Variants in BIRC6 observed in about 807,000 individuals in gnomAD.
The protein encoded by BIRC6 is dual E2 ubiquitin-conjugating enzyme/E3 ubiquitin-protein ligase BIRC6.
BIRC6 carries 98 observed loss-of-function variants against 503.3 expected under a neutral mutation model. That is an observed-to-expected ratio of 0.19 (90% CI 0.17 to 0.23). The LOEUF is 0.23. Among genes scored for constraint, BIRC6 ranks in the 10% least tolerant of loss-of-function variants. The pLI is 1.00. For missense variants in BIRC6, 5,360 were observed against 5,806.0 expected, an observed-to-expected ratio of 0.92 and a Z score of 2.50; for synonymous variants, 2,240 against 2,078.7, an observed-to-expected ratio of 1.08 and a Z score of -2.11.
chr2:32,586,423 CTTTTTTTTTTTTTTT>C (rs972959083), intron 66 of BIRC6, among the ~76,000 whole-genome samples: 1 of 70,974 alleles, frequency 1.4e-5, no homozygotes, highest in South Asian at 4.5e-4. Flanking sequence ...TCAAGCAGTC[CTTTTTTTTTTTTTTT>C]TTTTTTTTTT....
intron 21 of BIRC6, among the ~76,000 whole-genome samples, 171 bp from the exon 22 acceptor site, chr2:32,448,624 A>G (rs2046348379): frequency 6.6e-6 from 1 of 150,482 alleles, no homozygotes. Context: ...TCGGCTCGGC[A>G]TCAGAGGGAG....
intron 22 of BIRC6, among the ~76,000 whole-genome samples, chr2:32,450,289 T>C (rs1198676134): frequency 6.6e-6 from 1 of 152,116 alleles, no homozygotes; most frequent in Non-Finnish European, 1.5e-5. Flanking sequence ...CCATCCTGGC[T>C]AACACGGTGA....
chr2:32,513,154 A>G lies in BIRC6; in HGVS notation c.10568A>G (p.Glu3523Gly). 6.2e-7 allele frequency: 1 copy of G among 1,610,230 alleles called. No individual in the cohort carries two copies. Among genetic ancestry groups the G allele is most frequent in the Non-Finnish European group, 8.5e-7 (1 of 1,177,164 alleles). ...LPALLDQELF[E>G]LLFNWSMSLP... ...GCACTCCTGGACCAAGAGCTCTTTG[A>G]GTAAGTATGATTTGTGAAATCTTTT... is the stretch of plus-strand genomic sequence containing the variant. Residue 3523 changes from glutamate (E) to glycine (G), a missense_variant and splice_region_variant, in exon 54 of 74, where the codon GAG (glutamate) becomes GGG (glycine). Physicochemically the swap from Glu to Gly is moderately conservative, Grantham distance 98. Transcript: ENST00000421745.
At chr2:32,617,611 A>G (rs1472755722) in intron 73 of BIRC6, 114 bp from the exon 74 acceptor site, 14 of 1,102,750 alleles carry the variant, frequency 1.3e-5, no homozygotes, top group South Asian at 3.6e-5. Context: ...GGAGGGGCTC[A>G]GTAAATATTT....
At chr2:32,467,390 A>G (rs1446223601) in intron 26 of BIRC6, 135 bp from the exon 27 acceptor site, 1 of 730,922 alleles carries the variant, frequency 1.4e-6, no homozygotes, top group South Asian at 2.0e-5. Flanking sequence ...CCATTTTTAC[A>G]TATTTACTTT....
At chr2:32,504,036 G>T (rs1279155128) in intron 49 of BIRC6, among the ~76,000 whole-genome samples, 3 of 105,430 alleles carry the variant, frequency 2.8e-5, no homozygotes, top group South Asian at 3.2e-4. Flanking sequence ...GGGGGTGTTT[G>T]TGTGTGTGTG....
In BIRC6 at chr2:32,499,935, A is replaced by G. The variant is rs1341324022; in HGVS notation, c.8857A>G (p.Ser2953Gly). ...GTCTGTGACCACAAATACAACAGAT[A>G]GTGTTTCAGATGAAGAAAAAGTCTC... ...RVSVTTNTTDSVSDEEKVSGG... is the reference protein window; with the variant it reads ...RVSVTTNTTDGVSDEEKVSGG... The change falls in exon 46 of 74, where the codon AGT (serine) becomes GGT (glycine). Residue 2953 changes from serine to glycine, a missense_variant. By Grantham distance (56) the Ser-to-Gly change is moderately conservative (BLOSUM62 0). This residue lies in a region of BIRC6 where 2,299 missense variants were observed against 2,267.2 expected (regional missense o/e 1.01). Coordinates refer to ENST00000421745, the MANE Select transcript of BIRC6 (RefSeq NM_016252.4). The G allele has an allele frequency of 3.1e-6, 5 of 1,614,024 alleles. No individual in the cohort carries two copies. The highest frequency in any genetic ancestry group is 2.2e-5 in the East Asian group (1 of 44,880).
intron 69 of BIRC6, 48 bp from the exon 70 acceptor site, chr2:32,599,691 G>C: frequency 6.5e-7 from 1 of 1,540,956 alleles, no homozygotes; most frequent in Non-Finnish European, 8.9e-7. Context: ...CTAAATATCA[G>C]TGTTTAGGAA....
chr2:32,467,956 A>C lies in BIRC6; in HGVS notation c.5625A>C (p.Leu1875Phe), dbSNP rs2048734833. The C allele has an allele frequency of 6.2e-7, 1 of 1,613,674 alleles. No homozygotes were observed. Among genetic ancestry groups the C allele is most frequent in the Non-Finnish European group, 8.5e-7 (1 of 1,179,790 alleles). Reference sequence around the variant, plus strand: ...CAAATGCCAGAGCCAAAATCCCATTAGGATTTTACTATGGTCATACCTACA... The same window carrying C: ...CAAATGCCAGAGCCAAAATCCCATTCGGATTTTACTATGGTCATACCTACA... ...GSTNARAKIP[L>F]GFYYGHTYIL... Residue 1875 changes from leucine to phenylalanine, a missense_variant, in exon 28 of 74, where the codon TTA becomes TTC. By Grantham distance (22) the Leu-to-Phe change is conservative. This residue lies in a region of BIRC6 where 2,299 missense variants were observed against 2,267.2 expected (regional missense o/e 1.01). Coordinates refer to ENST00000421745, the MANE Select transcript of BIRC6 (RefSeq NM_016252.4).
At chr2:32,391,391 G>T (rs1017129009) in intron 4 of BIRC6, among the ~76,000 whole-genome samples, 1 of 152,108 alleles carries the variant, frequency 6.6e-6, no homozygotes, top group Non-Finnish European at 1.5e-5. Flanking sequence ...GTAATATAAC[G>T]AAATGAGATA....
intron 50 of BIRC6, among the ~76,000 whole-genome samples, chr2:32,505,766 A>C (rs1323764674): frequency 1.3e-5 from 2 of 152,214 alleles, no homozygotes. Flanking sequence ...GAACTTTGTA[A>C]GGCAAATAAT....
intron 1 of BIRC6, among the ~76,000 whole-genome samples, chr2:32,374,222 T>C (rs1441276237): frequency 6.6e-6 from 1 of 152,158 alleles, no homozygotes; most frequent in Non-Finnish European, 1.5e-5. Flanking sequence ...TTGAAAAAAA[T>C]CCAATGGCCA....
Position 32,357,563 on chromosome 2 carries a change from C to T in BIRC6, c.325+77C>T, listed in dbSNP as rs2033279192. On this transcript the variant is annotated intron_variant, in intron 1 of 73. Coordinates refer to ENST00000421745, the MANE Select transcript of BIRC6 (RefSeq NM_016252.4). This position sits in a 1 kb window ranked among gnomAD's most constrained non-coding sequence, Gnocchi z 4.9. ...AGCCCCGGGGCTCGGCCTCGCGACT[C>T]GGGGAAGCGAGATGGCGAGAGGGCA... 1 of 1,500,004 alleles carries T rather than the reference C, an allele frequency of 6.7e-7. No homozygotes were observed. Among genetic ancestry groups the T allele is most frequent in the Non-Finnish European group, 8.9e-7 (1 of 1,129,736 alleles). The allele number at this position is 1,500,004 out of a possible 1,614,324, so 92.9% of individuals were successfully genotyped here. A position where few individuals can be genotyped will look rare whatever the true frequency, so the allele number is the denominator to read the frequency against.
rs556302327 is a variant in BIRC6, at chr2:32,504,387, G to T, written c.9500-618G>T. Among the ~76,000 whole-genome samples, 10 of 152,026 alleles carry T rather than the reference G, an allele frequency of 6.6e-5. No individual in the cohort carries two copies. The South Asian group carries it at 2.1e-3, about 32-fold the overall frequency. On this transcript the variant is annotated intron_variant, in intron 49 of 73. Coordinates refer to ENST00000421745, the MANE Select transcript of BIRC6 (RefSeq NM_016252.4). The stretch of plus-strand genomic sequence containing the variant: ...TTGTTTTTTACTTAAAGAGTTTGAG[G>T]CTGGGCGCGGTGGCTCATGCCTGTA...
At chr2:32,563,788 T>C (rs1040107293) in intron 65 of BIRC6, 6 of 152,160 alleles carry the variant, frequency 3.9e-5, no homozygotes, top group African/African-American at 1.4e-4. Flanking sequence ...TAAAGAACCC[T>C]GTACCCTTGG....
chr2:32,530,370 C>G (rs981938980), intron 60 of BIRC6, among the ~76,000 whole-genome samples: 1 of 152,042 alleles, frequency 6.6e-6, no homozygotes, highest in Non-Finnish European at 1.5e-5. Context: ...ACCACCATGC[C>G]TGGCTAATTT....
At chr2:32,514,445 C>T (rs970284777) in intron 54 of BIRC6, among the ~76,000 whole-genome samples, 3 of 152,234 alleles carry the variant, frequency 2.0e-5, no homozygotes, top group Admixed American at 6.5e-5. Context: ...GCTGAACTTA[C>T]TGATAGCTAA....
chr2:32,617,659 C>A, intron 73 of BIRC6, 66 bp from the exon 74 acceptor site: 1 of 1,477,094 alleles, frequency 6.8e-7, no homozygotes, highest in Non-Finnish European at 9.2e-7. Context: ...AAATTCAGTT[C>A]CTGCCTCAAA....
In BIRC6 at chr2:32,520,743, AGAG is replaced by A. The variant is rs1476632304; in HGVS notation, c.11623+1799_11623+1801del. On this transcript the variant is annotated intron_variant, in intron 57 of 73. Coordinates refer to ENST00000421745, the MANE Select transcript of BIRC6 (RefSeq NM_016252.4). ...GAGGTAGGAAAATCACTTGAACCCT[AGAG>A]GTGGAGGTTACGGTGAGCCGAGATT... Among the ~76,000 whole-genome samples, 5 of 152,290 alleles carry A rather than the reference AGAG, an allele frequency of 3.3e-5. No homozygotes were observed. In the East Asian group the frequency reaches 9.7e-4, roughly 29 times the overall value.
Sources: allele counts gnomAD v4.1 joint callset (sites outside exome capture counted in the v4.1 genomes callset), GRCh38; gene constraint gnomAD v4.1.1; regional missense constraint gnomAD v4.1.1; non-coding constraint Gnocchi (gnomAD v3.1); transcripts MANE v1.5; gene names NCBI Gene and HGNC (gene_info 2026-07-23, HGNC 2026-07-21).